The following NCAM2 variants were observed in gnomAD, a reference collection of about 807,000 sequenced individuals.
The protein encoded by NCAM2 is neural cell adhesion molecule 2, also known as N-CAM-2.
A neutral mutation model predicts 98.1 loss-of-function variants in NCAM2; 30 were observed. That is an observed-to-expected ratio of 0.31 (90% CI 0.23 to 0.41). The LOEUF is 0.41. Among genes scored for constraint, NCAM2 ranks in the 10% least tolerant of loss-of-function variants. The pLI, the probability that NCAM2 is intolerant of heterozygous loss-of-function variation, is 1.00. For missense variants in NCAM2, 867 were observed against 1,005.8 expected, an observed-to-expected ratio of 0.86 and a Z score of 1.87; for synonymous variants, 368 against 342.4, an observed-to-expected ratio of 1.07 and a Z score of -0.83.
At chr21:21,303,627 G>A (rs1479219081) in intron 5 of NCAM2, among the ~76,000 whole-genome samples, 1 of 152,010 alleles carries the variant, frequency 6.6e-6, no homozygotes, top group Admixed American at 6.6e-5. Flanking sequence ...AAATACCTGT[G>A]AGAGGTAATG....
chr21:21,072,688 C>A (rs936756275), intron 1 of NCAM2, among the ~76,000 whole-genome samples: 10 of 151,870 alleles, frequency 6.6e-5, no homozygotes, highest in African/African-American at 2.4e-4. Context: ...TGTTGAGTGC[C>A]CATTATTAGT....
chr21:21,444,703 G>C (rs1483582806), intron 12 of NCAM2, among the ~76,000 whole-genome samples: 1 of 151,912 alleles, frequency 6.6e-6, no homozygotes, highest in Non-Finnish European at 1.5e-5. Context: ...TTTTTATTGT[G>C]TCTACTTGAT....
intron 1 of NCAM2, among the ~76,000 whole-genome samples, chr21:21,075,345 A>G (rs2065658685): frequency 6.6e-6 from 1 of 152,224 alleles, no homozygotes; most frequent in Non-Finnish European, 1.5e-5. Flanking sequence ...ATTTTTTTAA[A>G]AAAGGAAAAA....
chr21:21,004,860 T>C (rs534050326), intron 1 of NCAM2, among the ~76,000 whole-genome samples: 1 of 152,214 alleles, frequency 6.6e-6, no homozygotes, highest in East Asian at 1.9e-4. Flanking sequence ...GGTTTGCATA[T>C]GGGACATGTC....
rs12627127 is a variant in NCAM2 at position 21,442,488 on chromosome 21, G to T, written c.1654+10207G>T. Among the ~76,000 whole-genome samples the T allele has an allele frequency of 7.0e-4, 106 of 152,246 alleles. No individual in the cohort carries two copies. In the East Asian group the frequency reaches 0.017, roughly 25 times the overall value. ...CTAGGTGCATCTTGTTTGGTGAGTG[G>T]AAATCAGCCTTGTGAATTAAGACTT... On this transcript the variant is annotated intron_variant, in intron 12 of 17. Coordinates refer to ENST00000400546, the MANE Select transcript of NCAM2 (RefSeq NM_004540.5).
intron 1 of NCAM2, among the ~76,000 whole-genome samples, chr21:20,999,713 A>G (rs1293676857): frequency 6.6e-6 from 1 of 152,232 alleles, no homozygotes; most frequent in Non-Finnish European, 1.5e-5. Flanking sequence ...TCCCCAAGAT[A>G]TTCAGTTCTA....
At chr21:21,452,998 TA>T (rs1443517388) in intron 12 of NCAM2, among the ~76,000 whole-genome samples, 26 of 90,380 alleles carry the variant, frequency 2.9e-4, no homozygotes, top group Non-Finnish European at 4.3e-4. Flanking sequence ...TTATATTATA[TA>T]ATATATAATA....
chr21:21,419,079 T>C (rs1202401024), intron 11 of NCAM2, among the ~76,000 whole-genome samples: 3 of 152,096 alleles, frequency 2.0e-5, no homozygotes, highest in Non-Finnish European at 4.4e-5. Context: ...TTCCAAAAAG[T>C]GGGTGTCATG....
intron 1 of NCAM2, among the ~76,000 whole-genome samples, chr21:21,001,109 G>T (rs1387332782): frequency 1.3e-5 from 2 of 152,266 alleles, no homozygotes; most frequent in East Asian, 3.9e-4. Context: ...CTGAGGAAAG[G>T]CAACAATGAT....
chr21:21,229,870 A>G (rs1364409802), intron 1 of NCAM2, among the ~76,000 whole-genome samples: 1 of 151,432 alleles, frequency 6.6e-6, no homozygotes, highest in African/African-American at 2.4e-5. Context: ...AAGGTTTTTA[A>G]GCTTCTCTGA....
At chr21:21,356,568 C>G (rs2075485514) in intron 8 of NCAM2, among the ~76,000 whole-genome samples, 1 of 151,892 alleles carries the variant, frequency 6.6e-6, no homozygotes, top group East Asian at 2.0e-4. Flanking sequence ...GTGACTTAAT[C>G]AGTCATAGTA....
At chr21:21,208,910 C>A (rs1333663697) in intron 1 of NCAM2, among the ~76,000 whole-genome samples, 1 of 151,866 alleles carries the variant, frequency 6.6e-6, no homozygotes, top group African/African-American at 2.4e-5. Context: ...ATAACATAAA[C>A]CTGGTTGAGA....
chr21:21,124,088 CG>C (rs58534961), intron 1 of NCAM2, among the ~76,000 whole-genome samples: 151,800 of 151,810 alleles, frequency 1, 75,895 homozygotes, highest in Middle Eastern at 1. Flanking sequence ...CCTCATGATC[CG>C]GCCCACCTCG....
At chr21:21,380,365 C>T (rs1191751362) in intron 9 of NCAM2, among the ~76,000 whole-genome samples, 1 of 152,138 alleles carries the variant, frequency 6.6e-6, no homozygotes, top group African/African-American at 2.4e-5. Flanking sequence ...GACACATAAA[C>T]ATTTATACTT....
intron 5 of NCAM2, among the ~76,000 whole-genome samples, chr21:21,296,976 T>C (rs1219899317): frequency 6.6e-6 from 1 of 151,716 alleles, no homozygotes; most frequent in African/African-American, 2.4e-5. Context: ...AAATTCAGAT[T>C]ACAAGGACTT....
intron 12 of NCAM2, among the ~76,000 whole-genome samples, chr21:21,442,517 CT>C (rs1979456350): frequency 6.6e-6 from 1 of 152,146 alleles, no homozygotes; most frequent in Non-Finnish European, 1.5e-5. Flanking sequence ...AAGACTTAAA[CT>C]GATGTCTTTA....
intron 16 of NCAM2, among the ~76,000 whole-genome samples, chr21:21,525,408 G>T (rs1185833675): frequency 1.3e-5 from 2 of 152,056 alleles, no homozygotes; most frequent in African/African-American, 2.4e-5. Flanking sequence ...CCAATAATTT[G>T]ATAACCAAAG....
rs536227452 is a variant in NCAM2 at position 21,170,947 on chromosome 21, G to T, written c.56-109631G>T. Among the ~76,000 whole-genome samples the T allele has an allele frequency of 1.0e-4, 12 of 116,254 alleles. 1 individual carries two copies. The South Asian group carries it at 3.5e-3, about 33-fold the overall frequency. 76.3% of individuals were successfully genotyped at this position (116,254 alleles called of 152,430 possible). On this transcript the variant is annotated intron_variant, in intron 1 of 17. Coordinates refer to ENST00000400546, the MANE Select transcript of NCAM2 (RefSeq NM_004540.5). The stretch of plus-strand genomic sequence containing the variant: ...CTCTGAAAAATCACATTTATTGATT[G>T]CTAAAAAAAAATGTTACGAGTTGTG...
At chr21:21,109,216 G>A (rs1404746213) in intron 1 of NCAM2, among the ~76,000 whole-genome samples, 4 of 152,046 alleles carry the variant, frequency 2.6e-5, no homozygotes, top group Non-Finnish European at 4.4e-5. Context: ...TGATTCCATT[G>A]TTAAGATTAA....
Sources: gnomAD v4.1 joint callset for allele counts (sites outside exome capture counted in the v4.1 genomes callset) on GRCh38, gnomAD v4.1.1 for gene constraint, MANE v1.5 for transcripts, NCBI Gene and HGNC (gene_info 2026-07-23, HGNC 2026-07-21) for gene names.